GRID1: variants seen among roughly 807,000 people sequenced by gnomAD.
GRID1 encodes the protein glutamate receptor ionotropic, delta-1.
GRID1 carries 28 observed loss-of-function variants against 98.0 expected under a neutral mutation model. That is an observed-to-expected ratio of 0.29 (90% CI 0.21 to 0.39). GRID1 has a LOEUF of 0.39. GRID1 is among the 10% of genes least tolerant of loss of function. The pLI is 1.00. For missense variants in GRID1, 1,111 were observed against 1,340.5 expected (o/e 0.83, Z 2.67); for synonymous variants, 553 against 538.5 (o/e 1.03, Z -0.37).
chr10:86,265,569 C>T (rs1847091765), intron 2 of GRID1, among the ~76,000 whole-genome samples: 2 of 152,206 alleles, frequency 1.3e-5, no homozygotes, highest in Non-Finnish European at 2.9e-5. Context: ...ACGTGGCTGG[C>T]ACACCCACAG....
intron 4 of GRID1, among the ~76,000 whole-genome samples, chr10:86,045,711 T>C (rs2131902010): frequency 6.6e-6 from 1 of 152,226 alleles, no homozygotes; most frequent in East Asian, 1.9e-4. Context: ...GAATACTCCA[T>C]CCAGCAAATC....
At chr10:86,264,918 G>GCC (rs1847081159) in intron 2 of GRID1, 1 of 373,220 alleles carries the variant, frequency 2.7e-6, no homozygotes, top group Admixed American at 3.5e-5. Context: ...CTACTCCCCG[G>GCC]CCCCCAGGAA....
At chr10:86,141,831 G>A (rs987652487) in intron 3 of GRID1, among the ~76,000 whole-genome samples, 13 of 152,200 alleles carry the variant, frequency 8.5e-5, no homozygotes, top group South Asian at 4.1e-4. Context: ...TGGAGAAACC[G>A]CCTTTAACCA....
chr10:86,032,667 AC>A (rs1474602805), intron 4 of GRID1, among the ~76,000 whole-genome samples: 1 of 152,026 alleles, frequency 6.6e-6, no homozygotes, highest in Non-Finnish European at 1.5e-5. Flanking sequence ...AATCTCAAAT[AC>A]CCAGGGACAC....
intron 8 of GRID1, among the ~76,000 whole-genome samples, chr10:85,792,928 A>G (rs1341646068): frequency 6.6e-6 from 1 of 152,200 alleles, no homozygotes; most frequent in African/African-American, 2.4e-5. Flanking sequence ...TGAGGAAGGC[A>G]TGAAACATTT....
chr10:85,774,889 T>G (rs1280911828), intron 8 of GRID1, among the ~76,000 whole-genome samples: 2 of 151,442 alleles, frequency 1.3e-5, no homozygotes, highest in African/African-American at 4.8e-5. Flanking sequence ...GACCGTAAAC[T>G]AGTTCAACCA....
In GRID1 at chr10:85,726,567, G is replaced by T. The variant is rs1291664467; in HGVS notation, c.1533+1288C>A. Among the ~76,000 whole-genome samples, 3 of 152,308 alleles carry T rather than the reference G, an allele frequency of 2.0e-5. No individual in the cohort carries two copies. In the East Asian group the frequency reaches 5.8e-4, roughly 29 times the overall value. On this transcript the variant is annotated intron_variant, in intron 10 of 15. Transcript: ENST00000327946. ...CAAGGGATGAAGGGAGGAGGGGTTTGTCTGGCCACCCATAGAGGACGCAGT... is the reference window on the plus strand; with the variant it reads ...CAAGGGATGAAGGGAGGAGGGGTTTTTCTGGCCACCCATAGAGGACGCAGT...
intron 4 of GRID1, among the ~76,000 whole-genome samples, chr10:85,946,830 T>G (rs1279116451): frequency 6.6e-6 from 1 of 152,162 alleles, no homozygotes; most frequent in East Asian, 1.9e-4. Flanking sequence ...CACTCCCCAG[T>G]GTGGCCTGTG....
At chr10:86,083,558 C>T (rs1162840209) in intron 4 of GRID1, among the ~76,000 whole-genome samples, 1 of 152,230 alleles carries the variant, frequency 6.6e-6, no homozygotes, top group Non-Finnish European at 1.5e-5. Context: ...CGATGGGGAA[C>T]AACTACAACT....
rs764245758 is a variant in GRID1, at chr10:85,724,561, T to A, written c.1649A>T (p.Glu550Val). 1.9e-6 allele frequency: 3 copies of A among 1,613,646 alleles called. No individual in the cohort carries two copies. In the South Asian group the frequency reaches 3.3e-5, roughly 18 times the overall value. The change falls in exon 11 of 16, where the codon GAG becomes GTG. Residue 550 changes from glutamate (E) to valine (V), a missense_variant. Coordinates refer to ENST00000327946, the MANE Select transcript of GRID1 (RefSeq NM_017551.3). ...SVGILIKKPE[E>V]KISIFSLFAP... The stretch of plus-strand genomic sequence containing the variant: ...AAAGAGGGAGAAGATGCTGATTTTC[T>A]CCTCGGGCTTCTTAATTAGAATCCC...
intron 8 of GRID1, among the ~76,000 whole-genome samples, chr10:85,803,307 C>T (rs921271465): frequency 5.9e-5 from 9 of 152,040 alleles, no homozygotes; most frequent in Admixed American, 2.6e-4. Flanking sequence ...AATTATTTCA[C>T]AGTGCATGCC....
intron 8 of GRID1, among the ~76,000 whole-genome samples, chr10:85,761,842 G>C (rs1446691354): frequency 6.6e-6 from 1 of 151,446 alleles, no homozygotes; most frequent in Admixed American, 6.6e-5. Flanking sequence ...CACTTTCAAA[G>C]TCTCATTTGG....
At chr10:85,921,977 C>A (rs1040721329) in intron 4 of GRID1, among the ~76,000 whole-genome samples, 2 of 152,338 alleles carry the variant, frequency 1.3e-5, no homozygotes, top group Non-Finnish European at 2.9e-5. Flanking sequence ...CTTATCCCTG[C>A]TTCACAGATG....
intron 4 of GRID1, among the ~76,000 whole-genome samples, chr10:85,998,786 C>A (rs554135083): frequency 2.6e-5 from 4 of 152,074 alleles, no homozygotes; most frequent in African/African-American, 7.2e-5. Context: ...CACAAATAAC[C>A]AATTTTAGAA....
Position 86,290,947 on chromosome 10 carries a change from C to T in GRID1, c.235+72994G>A, listed in dbSNP as rs531234446. ...ACAGAGAGCTGTCCTGGAGAGGAAGCGGCCCAGGGCAGCAGTGAGATTCTG... is the reference window on the plus strand; with the variant it reads ...ACAGAGAGCTGTCCTGGAGAGGAAGTGGCCCAGGGCAGCAGTGAGATTCTG... On this transcript the variant is annotated intron_variant, in intron 2 of 15. Coordinates refer to ENST00000327946, the MANE Select transcript of GRID1 (RefSeq NM_017551.3). Among the ~76,000 whole-genome samples the T allele has an allele frequency of 7.2e-5, 11 of 152,296 alleles. No individual in the cohort carries two copies. In the South Asian group the frequency reaches 2.3e-3, roughly 32 times the overall value.
At chr10:86,122,359 G>A (rs1035918798) in intron 4 of GRID1, among the ~76,000 whole-genome samples, 6 of 152,208 alleles carry the variant, frequency 3.9e-5, no homozygotes, top group East Asian at 1.9e-4. Flanking sequence ...TGACCCTGTC[G>A]GAGAAGCAGG....
At chr10:86,299,006 C>T (rs1847638164) in intron 2 of GRID1, among the ~76,000 whole-genome samples, 1 of 152,112 alleles carries the variant, frequency 6.6e-6, no homozygotes, top group Non-Finnish European at 1.5e-5. Flanking sequence ...ATATCTGAGG[C>T]ACTGGGGGTA....
rs556160749 is a variant in GRID1, at chr10:85,873,082, G to A, written c.781-3902C>T. ...GCTCTTGTCCTGTTGGTCCTCCTGG[G>A]TCTCTTGTAGTGCCACAGGGGTGAG... On this transcript the variant is annotated intron_variant, in intron 5 of 15. Coordinates refer to ENST00000327946, the MANE Select transcript of GRID1 (RefSeq NM_017551.3). 2.6e-5 allele frequency among the ~76,000 whole-genome samples: 4 copies of A among 152,294 alleles called. No individual in the cohort carries two copies. The East Asian group carries it at 7.7e-4, about 29-fold the overall frequency.
intron 4 of GRID1, among the ~76,000 whole-genome samples, chr10:86,118,401 G>A (rs1320367619): frequency 1.3e-5 from 2 of 151,584 alleles, no homozygotes; most frequent in Non-Finnish European, 2.9e-5. Context: ...TCAGGTGATG[G>A]GTGCACCAAA....
Sources: gnomAD v4.1 joint callset for allele counts (sites outside exome capture counted in the v4.1 genomes callset) on GRCh38, gnomAD v4.1.1 for gene constraint, MANE v1.5 for transcripts, NCBI Gene and HGNC (gene_info 2026-07-23, HGNC 2026-07-21) for gene names.